The following NGF variants were observed in gnomAD, a reference collection of about 807,000 sequenced individuals.
NGF encodes the protein beta-nerve growth factor.
In NGF, 4 loss-of-function variants were observed where a neutral mutation model predicts 12.8. That is an observed-to-expected ratio of 0.31 (90% confidence interval 0.15 to 0.72). The LOEUF is 0.72. Ranked by LOEUF, NGF falls within the 30% of genes least tolerant of loss-of-function variation. The probability of loss-of-function intolerance (pLI) is 0.69; values close to 1 mark genes in which losing one functional copy is unlikely to be tolerated. For missense variants in NGF, 283 were observed against 330.8 expected (o/e 0.86, Z 1.12); for synonymous variants, 140 against 130.0 (o/e 1.08, Z -0.52).
chr1:115,337,267 G>GTTTGTTTTTTTTTTTTTT lies in NGF; in HGVS notation c.-137+936_-137+937insAAAAAAAAAAAAAACAAA. On this transcript the variant is annotated intron_variant, in intron 1 of 2. Transcript: ENST00000369512. Reference sequence around the variant, plus strand: ...TCGAAATTTTTTTTGTTTTGTTTTTGTTTTTTTTTTTTTTTTTTTTTTTTT... The same window carrying GTTTGTTTTTTTTTTTTTT: ...TCGAAATTTTTTTTGTTTTGTTTTTGTTTGTTTTTTTTTTTTTTTTTTTTTTTTTTTTTTTTTTTTTTT... 1.3e-3 allele frequency among the ~76,000 whole-genome samples: 106 copies of GTTTGTTTTTTTTTTTTTT among 81,028 alleles called. 11 individuals carry two copies. The highest frequency in any genetic ancestry group is 3.3e-3 in the East Asian group (9 of 2,722). The allele number at this position is 81,028 out of a possible 152,430, so 53.2% of individuals were successfully genotyped here. A position where few individuals can be genotyped will look rare whatever the true frequency, so the allele number is the denominator to read the frequency against.
At chr1:115,322,939 T>C (rs986312374) in intron 1 of NGF, among the ~76,000 whole-genome samples, 12 of 152,322 alleles carry the variant, frequency 7.9e-5, no homozygotes, top group African/African-American at 2.9e-4. Context: ...TTTAATAATA[T>C]AATGAGGATA....
intron 2 of NGF, among the ~76,000 whole-genome samples, chr1:115,292,298 G>A (rs1044546376): frequency 1.3e-5 from 2 of 152,118 alleles, no homozygotes; most frequent in African/African-American, 4.8e-5. Context: ...GAGGAGGCAT[G>A]GCCTAGAAGG....
intron 2 of NGF, among the ~76,000 whole-genome samples, chr1:115,291,941 T>C (rs1033599709): frequency 6.6e-6 from 1 of 152,006 alleles, no homozygotes; most frequent in Non-Finnish European, 1.5e-5. Flanking sequence ...GGGCTAGAGA[T>C]GGGATACGTG....
At chr1:115,291,481 G>A (rs1653694191) in intron 2 of NGF, among the ~76,000 whole-genome samples, 1 of 152,202 alleles carries the variant, frequency 6.6e-6, no homozygotes, top group African/African-American at 2.4e-5. Context: ...CAGCTGAGGA[G>A]GATGCAGTTA....
chr1:115,322,805 C>T (rs997818346), intron 1 of NGF, among the ~76,000 whole-genome samples: 3 of 152,256 alleles, frequency 2.0e-5, no homozygotes, highest in South Asian at 2.1e-4. Flanking sequence ...GATGCCATGG[C>T]GACGACCTTC....
chr1:115,310,640 A>G (rs575291840), intron 1 of NGF, among the ~76,000 whole-genome samples: 1 of 152,228 alleles, frequency 6.6e-6, no homozygotes, highest in Non-Finnish European at 1.5e-5. Flanking sequence ...GTGTGGACAT[A>G]TTCCCTGTAA....
chr1:115,319,115 G>T (rs1007021764), intron 1 of NGF, among the ~76,000 whole-genome samples: 15 of 152,220 alleles, frequency 9.9e-5, no homozygotes, highest in African/African-American at 3.4e-4. Flanking sequence ...GTTCCACAGT[G>T]TCTTCTCCAG....
chr1:115,333,760 C>CCT (rs61701292), intron 1 of NGF, among the ~76,000 whole-genome samples: 58,290 of 131,532 alleles, frequency 0.44, 15,939 homozygotes, highest in African/African-American at 0.7. Context: ...CTCCCTCCCC[C>CCT]CTCTCTCTCT....
chr1:115,286,814 T>C lies in NGF; in HGVS notation c.-12-7A>G, dbSNP rs1653526454. On this transcript the variant is annotated splice_region_variant and splice_polypyrimidine_tract_variant and intron_variant, in intron 2 of 2. Coordinates refer to ENST00000369512, the MANE Select transcript of NGF (RefSeq NM_002506.3). Reference sequence around the variant, plus strand: ...TGGACATTACGCTATGCACCTGGAATGAAAAAGAAATGAGGGTGACTTCAT... The same window carrying C: ...TGGACATTACGCTATGCACCTGGAACGAAAAAGAAATGAGGGTGACTTCAT... 6.2e-6 allele frequency: 10 copies of C among 1,613,930 alleles called. 1 individual carries two copies. The East Asian group carries it at 2.2e-4, about 36-fold the overall frequency.
intron 1 of NGF, among the ~76,000 whole-genome samples, chr1:115,310,019 A>G (rs1459389659): frequency 6.6e-6 from 1 of 152,218 alleles, no homozygotes; most frequent in Non-Finnish European, 1.5e-5. Context: ...TTCCTCAATA[A>G]AGGGATAATT....
At chr1:115,329,244 T>C (rs901273614) in intron 1 of NGF, among the ~76,000 whole-genome samples, 2 of 152,226 alleles carry the variant, frequency 1.3e-5, no homozygotes, top group Non-Finnish European at 2.9e-5. Flanking sequence ...CTTCATAGTA[T>C]GTACTTCATA....
intron 1 of NGF, among the ~76,000 whole-genome samples, chr1:115,307,480 G>A (rs905359806): frequency 1.3e-5 from 2 of 152,234 alleles, no homozygotes; most frequent in South Asian, 2.1e-4. Context: ...CAGCTCTGGT[G>A]AGGAGGAAGA....
At position 115,286,683 on chromosome 1, in the gene NGF, G is replaced by A; in HGVS notation, c.113C>T (p.Thr38Ile). 1 of 1,614,232 alleles carries A rather than the reference G, an allele frequency of 6.2e-7. No individual in the cohort carries two copies. Among genetic ancestry groups the A allele is most frequent in the Non-Finnish European group, 8.5e-7 (1 of 1,180,038 alleles). The change falls in exon 3 of 3, where the codon ACT becomes ATT. Residue 38 changes from threonine (T) to isoleucine (I), a missense_variant. Thr to Ile is a moderately conservative substitution (Grantham distance 89). Around this residue, in one of 2 missense-constraint regions of NGF, gnomAD observed 151 missense variants for 141.6 expected, o/e 1.07. Coordinates refer to ENST00000369512, the MANE Select transcript of NGF (RefSeq NM_002506.3). Reference sequence around the variant, plus strand: ...AGTGTCAAGGGAATGCTGAAGTTTAGTCCAGTGGGCTTGGGGGATGGTGTG... The same window carrying A: ...AGTGTCAAGGGAATGCTGAAGTTTAATCCAGTGGGCTTGGGGGATGGTGTG... ...AGHTIPQAHW[T>I]KLQHSLDTAL... is the part of the protein sequence containing the mutation.
chr1:115,289,187 A>G (rs1233034597), intron 2 of NGF, among the ~76,000 whole-genome samples: 1 of 152,124 alleles, frequency 6.6e-6, no homozygotes, highest in Non-Finnish European at 1.5e-5. Flanking sequence ...GTTGGCAGCA[A>G]ATCTAAACCT....
intron 1 of NGF, among the ~76,000 whole-genome samples, chr1:115,322,646 TC>T: frequency 6.6e-6 from 1 of 152,336 alleles, no homozygotes; most frequent in East Asian, 1.9e-4. Context: ...TAACAACAAC[TC>T]TAAAGTTTTT....
intron 1 of NGF, among the ~76,000 whole-genome samples, chr1:115,330,526 G>A (rs1294904787): frequency 1.3e-5 from 2 of 152,174 alleles, no homozygotes; most frequent in Non-Finnish European, 2.9e-5. Flanking sequence ...TCAATTTGGG[G>A]TGAATACAAC....
At position 115,316,622 on chromosome 1, in the gene NGF, T is replaced by C. The variant is rs181795616; in HGVS notation, c.-137+21582A>G. On this transcript the variant is annotated intron_variant, in intron 1 of 2. Coordinates refer to ENST00000369512, the MANE Select transcript of NGF (RefSeq NM_002506.3). ...GAAGCTATATATACATGTTTGCTTA[T>C]GTAAATATCCAAAATCAACCAACAA... Among the ~76,000 whole-genome samples the C allele has an allele frequency of 1.2e-3, 187 of 152,338 alleles. 1 individual carries two copies. The highest frequency in any genetic ancestry group is 4.4e-3 in the African/African-American group (182 of 41,570).
intron 1 of NGF, among the ~76,000 whole-genome samples, chr1:115,336,164 G>C (rs1242168180): frequency 6.6e-6 from 1 of 152,140 alleles, no homozygotes; most frequent in Non-Finnish European, 1.5e-5. Flanking sequence ...GTTAAAAGTA[G>C]GGAAAGAGTC....
Position 115,286,341 on chromosome 1 carries a change from A to C in NGF, c.455T>G (p.Ile152Ser). The C allele has an allele frequency of 6.2e-7, 1 of 1,613,994 alleles. No individual in the cohort carries two copies. Among genetic ancestry groups the C allele is most frequent in the Non-Finnish European group, 8.5e-7 (1 of 1,179,992 alleles). Reference sequence around the variant, plus strand: ...CAACACCATCACCTCCTTGCCCTTGATGTCTGTGGCGGTGGTCTTATCCCC... The same window carrying C: ...CAACACCATCACCTCCTTGCCCTTGCTGTCTGTGGCGGTGGTCTTATCCCC... Reference protein sequence around the residue: ...WVGDKTTATDIKGKEVMVLGE... With the variant: ...WVGDKTTATDSKGKEVMVLGE... The change falls in exon 3 of 3, where the codon ATC becomes AGC. Residue 152 changes from isoleucine to serine, a missense_variant. By Grantham distance (142) the Ile-to-Ser change is moderately radical (BLOSUM62 -2). Transcript: ENST00000369512.
Sources: gnomAD v4.1 joint callset for allele counts (sites outside exome capture counted in the v4.1 genomes callset) on GRCh38, gnomAD v4.1.1 for gene constraint, gnomAD v4.1.1 regional missense constraint, MANE v1.5 for transcripts, NCBI Gene and HGNC (gene_info 2026-07-23, HGNC 2026-07-21) for gene names.